The following SUMF1 variants were observed in gnomAD, a reference collection of about 807,000 sequenced individuals.
SUMF1 encodes formylglycine-generating enzyme.
SUMF1 carries 48 observed loss-of-function variants against 47.6 expected under a neutral mutation model. The observed-to-expected ratio is 1.01, with a 90% confidence interval of 0.80 to 1.28. The LOEUF is 1.28. Among genes scored for constraint, SUMF1 ranks in the 50% most tolerant of loss-of-function variants. The pLI, the probability that SUMF1 is intolerant of heterozygous loss-of-function variation, is 0.00. For missense variants in SUMF1, 571 were observed against 485.4 expected (o/e 1.18, Z -1.66); for synonymous variants, 230 against 192.1 (o/e 1.20, Z -1.63).
chr3:4,306,249 ATTT>A (rs762628912), intron 8 of SUMF1, among the ~76,000 whole-genome samples: 4 of 152,126 alleles, frequency 2.6e-5, no homozygotes, highest in African/African-American at 7.2e-5. Flanking sequence ...TGCCCGACGT[ATTT>A]TTTTAATTAA....
chr3:4,315,315 G>T (rs1238913242), intron 8 of SUMF1, among the ~76,000 whole-genome samples: 1 of 152,202 alleles, frequency 6.6e-6, no homozygotes, highest in Non-Finnish European at 1.5e-5. Context: ...TATGGAAGTG[G>T]TTAGAAGGAA....
In SUMF1 at chr3:4,114,354, C is replaced by T. The variant is rs146194033; in HGVS notation, c.1015-45609G>A. Among the ~76,000 whole-genome samples, 1,085 of 152,160 alleles carry T rather than the reference C, an allele frequency of 7.1e-3. 11 individuals are homozygous for T. The highest frequency in any genetic ancestry group is 0.018 in the South Asian group (88 of 4,822). ...GGGACAAAAGAAAAAGGAAATGAGTCTAGACTACCATGTGATGAAAGTACC... is the reference window on the plus strand; with the variant it reads ...GGGACAAAAGAAAAAGGAAATGAGTTTAGACTACCATGTGATGAAAGTACC... On this transcript the variant is annotated intron_variant and NMD_transcript_variant, in intron 8 of 12. Transcript: ENST00000448413.
intron 8 of SUMF1, among the ~76,000 whole-genome samples, chr3:4,074,716 T>C (rs558889708): frequency 6.6e-6 from 1 of 152,162 alleles, no homozygotes; most frequent in Non-Finnish European, 1.5e-5. Flanking sequence ...AACACCTCTA[T>C]GCAAATAAAT....
intron 8 of SUMF1, among the ~76,000 whole-genome samples, chr3:4,135,046 C>G (rs568262042): frequency 3.3e-5 from 5 of 151,996 alleles, no homozygotes; most frequent in African/African-American, 1.2e-4. Flanking sequence ...CAGAGGTACA[C>G]GGAGGAGCTG....
intron 9 of SUMF1, among the ~76,000 whole-genome samples, chr3:4,060,999 GTC>G (rs568469457): frequency 4.0e-4 from 61 of 152,270 alleles, no homozygotes; most frequent in African/African-American, 1.3e-3. Context: ...CTTGAGGAAT[GTC>G]TGTTTCCAAT....
chr3:4,123,919 C>T (rs1057030722), intron 8 of SUMF1, among the ~76,000 whole-genome samples: 3 of 152,028 alleles, frequency 2.0e-5, no homozygotes, highest in East Asian at 1.9e-4. Flanking sequence ...ATGGCTGATC[C>T]GTGTGAGTGT....
chr3:4,312,527 A>T (rs927435867), intron 8 of SUMF1, among the ~76,000 whole-genome samples: 1 of 152,046 alleles, frequency 6.6e-6, no homozygotes, highest in East Asian at 1.9e-4. Context: ...CCTTATACAT[A>T]CCTAAAATAA....
chr3:4,063,188 G>C (rs1163872722), intron 9 of SUMF1, among the ~76,000 whole-genome samples: 2 of 152,078 alleles, frequency 1.3e-5, no homozygotes, highest in East Asian at 3.9e-4. Context: ...TTCAGGGCCT[G>C]GCTGGCATGG....
At chr3:4,371,723 G>A (rs774758175) in intron 8 of SUMF1, among the ~76,000 whole-genome samples, 9 of 152,166 alleles carry the variant, frequency 5.9e-5, no homozygotes, top group Non-Finnish European at 1.3e-4. Context: ...GTATTACTAC[G>A]TATTAATTCA....
intron 8 of SUMF1, among the ~76,000 whole-genome samples, chr3:4,375,033 G>T (rs903649762): frequency 6.6e-6 from 1 of 150,704 alleles, no homozygotes; most frequent in African/African-American, 2.4e-5. Flanking sequence ...TTACTTAGGA[G>T]GCTGAGATGG....
At chr3:4,317,160 A>G (rs1267761913) in intron 8 of SUMF1, 1 of 1,549,768 alleles carries the variant, frequency 6.5e-7, no homozygotes, top group Non-Finnish European at 8.7e-7. Context: ...CGAATCCCAA[A>G]GCACGGATTT....
chr3:4,371,050 T>C (rs1230780542), intron 8 of SUMF1, among the ~76,000 whole-genome samples: 2 of 152,238 alleles, frequency 1.3e-5, no homozygotes, highest in Non-Finnish European at 2.9e-5. Context: ...CCATTTCAAA[T>C]GCACTCATTC....
At chr3:4,439,318 G>T (rs547777907) in intron 3 of SUMF1, among the ~76,000 whole-genome samples, 1 of 152,000 alleles carries the variant, frequency 6.6e-6, no homozygotes, top group Non-Finnish European at 1.5e-5. Context: ...GAACTCAGGA[G>T]TTTGGGAACA....
intron 8 of SUMF1, among the ~76,000 whole-genome samples, chr3:4,338,818 T>A (rs1699207889): frequency 6.6e-6 from 1 of 152,066 alleles, no homozygotes; most frequent in Non-Finnish European, 1.5e-5. Flanking sequence ...AGTCTTTCAT[T>A]GGGTCTTTGA....
chr3:4,336,906 C>G (rs1200427891), intron 8 of SUMF1, among the ~76,000 whole-genome samples: 2 of 152,168 alleles, frequency 1.3e-5, no homozygotes, highest in African/African-American at 4.8e-5. Flanking sequence ...TACCACTTTG[C>G]TAACTTTTCT....
intron 8 of SUMF1, among the ~76,000 whole-genome samples, chr3:4,268,674 C>T (rs1697246948): frequency 6.6e-6 from 1 of 150,668 alleles, no homozygotes; most frequent in Non-Finnish European, 1.5e-5. Context: ...TACACAGAAA[C>T]TCAGATTAAA....
chr3:4,175,447 C>A (rs972191097), intron 8 of SUMF1, among the ~76,000 whole-genome samples: 2 of 152,162 alleles, frequency 1.3e-5, no homozygotes, highest in South Asian at 2.1e-4. Flanking sequence ...AGCTGAGGGA[C>A]CTGACTGTTA....
chr3:4,313,478 T>C (rs778137985), intron 8 of SUMF1: 1 of 1,613,966 alleles, frequency 6.2e-7, no homozygotes, highest in Non-Finnish European at 8.5e-7. Flanking sequence ...AAGTTGGCAC[T>C]TTTTGCAGCC....
Position 4,095,741 on chromosome 3 carries a change from C to CA in SUMF1, c.1015-26997dup, listed in dbSNP as rs201227732. On this transcript the variant is annotated intron_variant and NMD_transcript_variant, in intron 8 of 12. Coordinates refer to the SUMF1 transcript ENST00000448413. ...GTGCATGAAAGAAAAATGGTGTTAA[C>CA]AAAAAAAATGAATATAAAGCTGGTC... 7.2e-3 allele frequency among the ~76,000 whole-genome samples: 1,091 copies of CA among 151,734 alleles called. 26 individuals carry two copies. Among genetic ancestry groups the CA allele is most frequent in the African/African-American group, 0.025 (1,045 of 41,358 alleles).
Sources: gnomAD v4.1 joint callset for allele counts (sites outside exome capture counted in the v4.1 genomes callset) on GRCh38, gnomAD v4.1.1 for gene constraint, MANE v1.5 for transcripts, NCBI Gene and HGNC (gene_info 2026-07-23, HGNC 2026-07-21) for gene names.